Variants in HERC3 observed in about 807,000 individuals in gnomAD.
HERC3 encodes the protein probable E3 ubiquitin-protein ligase HERC3.
Under a neutral mutation model 129.9 loss-of-function variants are expected in HERC3, and 58 were observed. The observed-to-expected ratio is 0.45, with a 90% CI of 0.36 to 0.56. The LOEUF is 0.56. Ranked by LOEUF, HERC3 falls within the 20% of genes least tolerant of loss-of-function variation. The pLI, the probability that HERC3 is intolerant of heterozygous loss-of-function variation, is 0.00. For missense variants in HERC3, 835 were observed against 1,244.2 expected (o/e 0.67, Z 4.95); for synonymous variants, 430 against 451.0 (o/e 0.95, Z 0.59).
At chr4:88,694,765 T>C (rs757669124) in intron 23 of HERC3, among the ~76,000 whole-genome samples, 51 of 152,344 alleles carry the variant, frequency 3.3e-4, no homozygotes, top group Middle Eastern at 3.4e-3. Context: ...GTTTGTTTTT[T>C]ATTTTTACAT....
intron 3 of HERC3, among the ~76,000 whole-genome samples, chr4:88,618,633 AC>A (rs1174614135): frequency 6.6e-6 from 1 of 152,102 alleles, no homozygotes; most frequent in African/African-American, 2.4e-5. Flanking sequence ...TGTTTCCCTT[AC>A]CCCAGATCAC....
At chr4:88,590,298 C>A (rs896877942), upstream of HERC3, among the ~76,000 whole-genome samples, 2 of 151,602 alleles carry the variant, frequency 1.3e-5, no homozygotes, top group African/African-American at 4.8e-5. Flanking sequence ...CGGTGGCTCA[C>A]GCCTGTAATC....
the HERC3 span, among the ~76,000 whole-genome samples, chr4:88,539,783 C>A: frequency 5.3e-5 from 8 of 152,236 alleles, no homozygotes; most frequent in African/African-American, 1.9e-4. Flanking sequence ...GCTGGTGATA[C>A]CCAGGAAAAC....
chr4:88,694,849 A>T (rs1032696701), intron 23 of HERC3, among the ~76,000 whole-genome samples: 1 of 152,104 alleles, frequency 6.6e-6, no homozygotes, highest in African/African-American at 2.4e-5. Context: ...AGCCTTTCAC[A>T]TATATTTTGA....
chr4:88,620,010 T>G (rs1488223670), intron 3 of HERC3, among the ~76,000 whole-genome samples: 1 of 152,240 alleles, frequency 6.6e-6, no homozygotes, highest in Non-Finnish European at 1.5e-5. Flanking sequence ...ACTGGCTGTT[T>G]TAGTAAAGTT....
intron 4 of HERC3, 54 bp from the exon 5 acceptor site, chr4:88,651,958 A>C: frequency 8.6e-7 from 1 of 1,162,214 alleles, no homozygotes; most frequent in Non-Finnish European, 1.3e-6. Flanking sequence ...TATTTCTGAT[A>C]ATTGTGTTTG....
chr4:88,524,897 G>A, the HERC3 span: 1 of 151,780 alleles, frequency 6.6e-6, no homozygotes, highest in Non-Finnish European at 1.5e-5. Context: ...TCCTGGAGCT[G>A]GAAGTACAGA....
chr4:88,552,282 A>AT, the HERC3 span, among the ~76,000 whole-genome samples: 66 of 118,536 alleles, frequency 5.6e-4, no homozygotes, highest in Middle Eastern at 4.2e-3. Context: ...CTTAAAGTAT[A>AT]AAAAAAAAAA....
At chr4:88,591,936 G>C (rs1300964704), upstream of HERC3, among the ~76,000 whole-genome samples, 3 of 151,870 alleles carry the variant, frequency 2.0e-5, no homozygotes, top group African/African-American at 7.3e-5. Context: ...GAAGAGCGCC[G>C]GCGGCTGCCG....
chr4:88,663,141 G>A (rs1214057615), intron 11 of HERC3, among the ~76,000 whole-genome samples: 1 of 152,260 alleles, frequency 6.6e-6, no homozygotes. Context: ...TTCTTGGGAA[G>A]AATAAATCAA....
At chr4:88,542,209 A>G in the HERC3 span, among the ~76,000 whole-genome samples, 24 of 152,268 alleles carry the variant, frequency 1.6e-4, 1 homozygote, top group East Asian at 2.5e-3. Flanking sequence ...ATTAATAAAG[A>G]ATAAAAGAGA....
At chr4:88,663,925 C>G (rs1488758156) in intron 11 of HERC3, among the ~76,000 whole-genome samples, 5 of 152,004 alleles carry the variant, frequency 3.3e-5, no homozygotes, top group Non-Finnish European at 5.9e-5. Flanking sequence ...CTTTCAGGAG[C>G]TTTGATATTC....
rs140017646 is a variant in HERC3, at chr4:88,670,112, A to G, written c.1798-27A>G. ...GATGTTCTCTGGGAAGCCATGTTTCAGTTGTCTGTATTTTGTTCTTCATTA... is the reference window on the plus strand; with the variant it reads ...GATGTTCTCTGGGAAGCCATGTTTCGGTTGTCTGTATTTTGTTCTTCATTA... On this transcript the variant is annotated intron_variant, in intron 15 of 25. Transcript: ENST00000402738. 19 of 1,602,100 alleles carry G rather than the reference A, an allele frequency of 1.2e-5. No homozygotes were observed. In the African/African-American group the frequency reaches 2.4e-4, roughly 20 times the overall value.
chr4:88,698,680 C>T (rs1445172912), intron 23 of HERC3, among the ~76,000 whole-genome samples: 2 of 151,100 alleles, frequency 1.3e-5, no homozygotes, highest in Non-Finnish European at 3.0e-5. Flanking sequence ...TGCCTTCCCC[C>T]AACACCGTCT....
chr4:88,658,270 C>T, intron 9 of HERC3, 145 bp from the exon 10 acceptor site: 1 of 502,554 alleles, frequency 2.0e-6, no homozygotes. Context: ...AGGCAGTGAG[C>T]CAGGGGAGAA....
At chr4:88,660,556 G>A (rs962723169) in intron 10 of HERC3, among the ~76,000 whole-genome samples, 5 of 152,148 alleles carry the variant, frequency 3.3e-5, no homozygotes, top group African/African-American at 1.2e-4. Context: ...CAGGCCTTAG[G>A]TGAAAGAAGG....
intron 7 of HERC3, among the ~76,000 whole-genome samples, chr4:88,654,577 A>T (rs992064836): frequency 4.0e-5 from 6 of 149,484 alleles, no homozygotes; most frequent in African/African-American, 1.5e-4. Context: ...TATATATAAA[A>T]TGATGTCCTA....
intron 14 of HERC3, among the ~76,000 whole-genome samples, chr4:88,668,996 A>T (rs529472331): frequency 4.6e-5 from 7 of 152,312 alleles, no homozygotes; most frequent in Admixed American, 4.6e-4. Flanking sequence ...ATCAGAAGAA[A>T]TCTTACCTGA....
At chr4:88,538,692 C>T in the HERC3 span, among the ~76,000 whole-genome samples, 286 of 151,996 alleles carry the variant, frequency 1.9e-3, 1 homozygote, top group African/African-American at 6.1e-3. Context: ...TACAGGTGCA[C>T]GCCACCATGC....
Sources: allele counts gnomAD v4.1 joint callset (sites outside exome capture counted in the v4.1 genomes callset), GRCh38; gene constraint gnomAD v4.1.1; transcripts MANE v1.5; gene names NCBI Gene and HGNC (gene_info 2026-07-23, HGNC 2026-07-21).